The following NFYA variants were observed in gnomAD, a reference collection of about 807,000 sequenced individuals.
NFYA encodes the protein nuclear transcription factor Y subunit alpha.
Under a neutral mutation model 52.8 loss-of-function variants are expected in NFYA, and 28 were observed. The observed-to-expected ratio is 0.53, with a 90% CI of 0.39 to 0.73. NFYA has a LOEUF of 0.73. Among genes scored for constraint, NFYA ranks in the 30% least tolerant of loss-of-function variants. The probability of loss-of-function intolerance (pLI) is 0.00; values close to 1 mark genes in which losing one functional copy is unlikely to be tolerated. For missense variants in NFYA, 234 were observed against 427.0 expected (o/e 0.55, Z 3.98); for synonymous variants, 150 against 150.7 (o/e 1.00, Z 0.03).
intron 8 of NFYA, 49 bp from the exon 9 acceptor site, chr6:41,094,347 C>A: frequency 6.6e-7 from 1 of 1,508,686 alleles, no homozygotes; most frequent in Non-Finnish European, 9.2e-7. Flanking sequence ...GATAACTGTG[C>A]TGGTTCTGGA....
At chr6:41,073,439 G>C (rs1213229945) in intron 1 of NFYA, among the ~76,000 whole-genome samples, 2 of 152,020 alleles carry the variant, frequency 1.3e-5, no homozygotes, top group African/African-American at 4.8e-5. Flanking sequence ...CCCTACACTA[G>C]GGGACACATG....
intron 8 of NFYA, among the ~76,000 whole-genome samples, chr6:41,093,750 C>T (rs544385213): frequency 1.3e-5 from 2 of 152,322 alleles, no homozygotes; most frequent in African/African-American, 2.4e-5. Flanking sequence ...GGATTATAGG[C>T]GTGAGCCACC....
In NFYA at chr6:41,100,426, C is replaced by T. The variant is rs757343487; in HGVS notation, c.*3016C>T. ...CATGCTCACCTTGTTACTGTTTTACCTTACGGTCGCTGGGAATCTAAGCAA... is the reference window on the plus strand; with the variant it reads ...CATGCTCACCTTGTTACTGTTTTACTTTACGGTCGCTGGGAATCTAAGCAA... On this transcript the variant is annotated 3_prime_UTR_variant, in exon 10 of 10. Coordinates refer to ENST00000341376, the MANE Select transcript of NFYA (RefSeq NM_002505.5). Among the ~76,000 whole-genome samples, 84 of 152,242 alleles carry T rather than the reference C, an allele frequency of 5.5e-4. 2 individuals are homozygous for T. Among genetic ancestry groups the T allele is most frequent in the South Asian group, 1.5e-3 (7 of 4,822 alleles).
chr6:41,085,252 G>A (rs965116630), intron 4 of NFYA, among the ~76,000 whole-genome samples: 9 of 152,096 alleles, frequency 5.9e-5, no homozygotes, highest in African/African-American at 2.2e-4. Context: ...TCAATAGTAG[G>A]GGGAAATTAC....
intron 3 of NFYA, among the ~76,000 whole-genome samples, chr6:41,083,687 C>A (rs543481762): frequency 4.2e-4 from 64 of 152,314 alleles, no homozygotes; most frequent in African/African-American, 1.4e-3. Flanking sequence ...TTCTCTCCAG[C>A]CTTCACTACA....
At chr6:41,076,607 C>G (rs1763738805) in intron 1 of NFYA, among the ~76,000 whole-genome samples, 1 of 152,178 alleles carries the variant, frequency 6.6e-6, no homozygotes, top group African/African-American at 2.4e-5. Flanking sequence ...AAGAGAATTG[C>G]ACTGAGAAGA....
intron 4 of NFYA, among the ~76,000 whole-genome samples, chr6:41,085,223 T>A (rs191382795): frequency 7.4e-4 from 112 of 152,318 alleles, no homozygotes; most frequent in Admixed American, 1.3e-3. Context: ...TGAGAATCTG[T>A]CCTATAGGAA....
At chr6:41,087,693 C>T (rs1328758927) in intron 4 of NFYA, among the ~76,000 whole-genome samples, 1 of 151,994 alleles carries the variant, frequency 6.6e-6, no homozygotes, top group Non-Finnish European at 1.5e-5. Context: ...TGGGGCTCTC[C>T]TCACTGCTTT....
intron 9 of NFYA, among the ~76,000 whole-genome samples, chr6:41,095,646 G>T (rs562490425): frequency 1.3e-5 from 2 of 152,294 alleles, no homozygotes; most frequent in South Asian, 4.1e-4. Context: ...GCCCAGGCAG[G>T]TCTCAAACTC....
intron 1 of NFYA, 116 bp from the exon 2 acceptor site, chr6:41,078,913 T>C: frequency 1.9e-6 from 1 of 538,298 alleles, no homozygotes; most frequent in East Asian, 2.8e-5. Context: ...GCATTTCCTA[T>C]TCTCCTATCC....
chr6:41,075,167 G>A (rs1763699648), intron 1 of NFYA: 1 of 152,192 alleles, frequency 6.6e-6, no homozygotes, highest in Admixed American at 6.5e-5. Flanking sequence ...TAAAAAACAT[G>A]TATATTTGCC....
chr6:41,083,989 G>T, intron 3 of NFYA, 57 bp from the exon 4 acceptor site: 2 of 1,493,108 alleles, frequency 1.3e-6, no homozygotes, highest in South Asian at 2.7e-5. Context: ...TTGTCTTTTG[G>T]TAAAAACCAT....
At chr6:41,090,578 A>T (rs9471474) in intron 6 of NFYA, among the ~76,000 whole-genome samples, 33,680 of 152,128 alleles carry the variant, frequency 0.22, 5,397 homozygotes, top group African/African-American at 0.45. Context: ...AAACAGAAGA[A>T]TAGAAATAGG....
chr6:41,075,466 T>C (rs977900330), intron 1 of NFYA: 3 of 151,710 alleles, frequency 2.0e-5, no homozygotes, highest in African/African-American at 7.3e-5. Context: ...GGTAACTTTT[T>C]TGCTAAATAC....
chr6:41,096,836 T>C (rs1178107523), intron 9 of NFYA, among the ~76,000 whole-genome samples: 1 of 152,242 alleles, frequency 6.6e-6, no homozygotes, highest in African/African-American at 2.4e-5. Flanking sequence ...GCTGGACTCC[T>C]AACTTTCTGA....
intron 9 of NFYA, among the ~76,000 whole-genome samples, chr6:41,097,018 T>C (rs1220427593): frequency 2.0e-5 from 3 of 152,238 alleles, no homozygotes; most frequent in African/African-American, 7.2e-5. Context: ...ACATGGTTTC[T>C]CTGGGTCTTT....
chr6:41,097,519 G>A lies in NFYA; in HGVS notation c.*109G>A. 8.7e-7 allele frequency: 1 copy of A among 1,146,914 alleles called. No homozygotes were observed. The highest frequency in any genetic ancestry group is 1.3e-6 in the Non-Finnish European group (1 of 789,486). 71.0% of individuals were successfully genotyped at this position (1,146,914 alleles called of 1,614,324 possible). A position where few individuals can be genotyped will look rare whatever the true frequency, so the allele number is the denominator to read the frequency against. ...TGATCACATTCTGCCCTTTACTACA[G>A]GACAGAAACCACTTAGTTTTTAATA... On this transcript the variant is annotated 3_prime_UTR_variant, in exon 10 of 10. Coordinates refer to ENST00000341376, the MANE Select transcript of NFYA (RefSeq NM_002505.5).
chr6:41,091,551 A>T lies in NFYA; in HGVS notation c.571A>T (p.Ile191Phe). Reference protein sequence around the residue: ...QQVTVPVSGMITIPAASLAGA... With the variant: ...QQVTVPVSGMFTIPAASLAGA... ...AGTTACAGTCCCTGTTTCAGGCATG[A>T]TCACTATCCCAGCAGCCAGTTTGGC... The change falls in exon 7 of 10, where the codon ATC becomes TTC. Residue 191 changes from isoleucine (I) to phenylalanine (F), a missense_variant. By Grantham distance (21) the Ile-to-Phe change is conservative. This residue lies in a region of NFYA where 81 missense variants were observed against 210.5 expected (regional missense o/e 0.38). Transcript: ENST00000341376. 2 of 1,614,012 alleles carry T rather than the reference A, an allele frequency of 1.2e-6. No homozygotes were observed. Among genetic ancestry groups the T allele is most frequent in the South Asian group, 1.1e-5 (1 of 91,050 alleles).
At chr6:41,095,745 G>T (rs1392535693) in intron 9 of NFYA, among the ~76,000 whole-genome samples, 1 of 152,120 alleles carries the variant, frequency 6.6e-6, no homozygotes, top group Non-Finnish European at 1.5e-5. Context: ...TCTTTACAGT[G>T]TAATAATATT....
Sources: allele counts gnomAD v4.1 joint callset (sites outside exome capture counted in the v4.1 genomes callset), GRCh38; gene constraint gnomAD v4.1.1; regional missense constraint gnomAD v4.1.1; transcripts MANE v1.5; gene names NCBI Gene and HGNC (gene_info 2026-07-23, HGNC 2026-07-21).